CD6: variants seen among roughly 807,000 people sequenced by gnomAD.
The protein encoded by CD6 is CD6 molecule.
A neutral mutation model predicts 75.3 loss-of-function variants in CD6; 53 were observed. That is an observed-to-expected ratio of 0.70 (90% CI 0.56 to 0.88). CD6 has a LOEUF of 0.88. Ranked by LOEUF, CD6 falls within the 40% of genes least tolerant of loss-of-function variation. The pLI is 0.00. For synonymous variants in CD6, 359 were observed against 381.5 expected (o/e 0.94, Z 0.69); for missense variants, 770 against 897.1 (o/e 0.86, Z 1.81).
Position 61,020,325 on chromosome 11 carries a change from C to A in CD6, c.*1007C>A. On this transcript the variant is annotated 3_prime_UTR_variant, in exon 13 of 13. Transcript: ENST00000313421. ...GAGAGGCCCATGGGCTCAGACCAGG[C>A]TTTGTTGTCCTGCTCTGAGTATCCT... The A allele has an allele frequency of 2.5e-6, 1 of 399,010 alleles. No homozygotes were observed. The allele number at this position is 399,010 out of a possible 1,614,324, so 24.7% of individuals were successfully genotyped here.
At chr11:61,017,247 G>A (rs1469347202) in intron 9 of CD6, 7 of 552,556 alleles carry the variant, frequency 1.3e-5, no homozygotes, top group African/African-American at 1.1e-4. Flanking sequence ...TGGGGGCTGG[G>A]GGGTTGTAGG....
At chr11:61,014,744 A>G (rs1236543390) in intron 8 of CD6, among the ~76,000 whole-genome samples, 2 of 152,060 alleles carry the variant, frequency 1.3e-5, no homozygotes, top group Non-Finnish European at 2.9e-5. Flanking sequence ...CAAAAAAAAA[A>G]AAAAAGAAAA....
chr11:61,015,642 TACTC>T (rs1338957531), intron 8 of CD6, 67 bp from the exon 9 acceptor site: 15 of 1,580,616 alleles, frequency 9.5e-6, no homozygotes, highest in Non-Finnish European at 1.3e-5. Flanking sequence ...CTGCCGTTCA[TACTC>T]TACCATCCCT....
Position 61,018,337 on chromosome 11 carries a change from AC to A in CD6, c.1888del (p.Gln630ArgfsTer151). On this transcript the variant is annotated frameshift_variant, in exon 12 of 13. Coordinates refer to ENST00000313421, the MANE Select transcript of CD6 (RefSeq NM_006725.5). LOFTEE classifies it high-confidence loss of function. ...TCCAGCACCTCATCCGGGGAGTGGT[AC>A]CAGAACTTCCAGCCACCACCCCAGC... The part of the protein sequence containing the change: ...DSSSTSSGEW[Y>X]QNFQPPPQPP... 6.2e-7 allele frequency: 1 copy of A among 1,608,726 alleles called. No individual in the cohort carries two copies. Among genetic ancestry groups the A allele is most frequent in the Non-Finnish European group, 8.5e-7 (1 of 1,177,720 alleles).
At chr11:61,013,858 C>T in intron 7 of CD6, 61 bp from the exon 8 acceptor site, 1 of 1,194,398 alleles carries the variant, frequency 8.4e-7, no homozygotes, top group South Asian at 1.4e-5. Context: ...CAGAACGGAA[C>T]CAGGTAGACT....
intron 1 of CD6, chr11:60,982,589 C>T (rs890014991): frequency 4.4e-6 from 2 of 455,982 alleles, no homozygotes; most frequent in African/African-American, 4.0e-5. Context: ...GGTGTGCTCT[C>T]GTTTTGCCTC....
chr11:60,981,262 A>T (rs1035137157), intron 1 of CD6, among the ~76,000 whole-genome samples: 1 of 152,216 alleles, frequency 6.6e-6, no homozygotes, highest in Non-Finnish European at 1.5e-5. Context: ...TGACAGGCTC[A>T]GAGAGATAAA....
chr11:60,997,786 C>T (rs577005283), intron 1 of CD6, among the ~76,000 whole-genome samples: 142 of 152,222 alleles, frequency 9.3e-4, no homozygotes, highest in African/African-American at 3.3e-3. Flanking sequence ...AAATGGAAAA[C>T]ATTTTGTAAA....
chr11:60,992,358 G>T (rs2135080304), intron 1 of CD6, among the ~76,000 whole-genome samples: 1 of 151,342 alleles, frequency 6.6e-6, no homozygotes, highest in Admixed American at 6.6e-5. Flanking sequence ...ATAACTATGA[G>T]GTGAGGGAGG....
chr11:61,016,378 G>C (rs1472819461), intron 9 of CD6, among the ~76,000 whole-genome samples: 3 of 152,210 alleles, frequency 2.0e-5, no homozygotes, highest in Admixed American at 6.5e-5. Context: ...GAATAGACCA[G>C]AGCGTCCCAC....
At chr11:60,987,884 G>C (rs954169732) in intron 1 of CD6, 2 of 152,160 alleles carry the variant, frequency 1.3e-5, no homozygotes, top group Non-Finnish European at 2.9e-5. Context: ...AATCAACCAC[G>C]AGTGCATCTG....
At position 61,017,959 on chromosome 11, in the gene CD6, T is replaced by G; in HGVS notation, c.1783T>G (p.Phe595Val). The change falls in exon 11 of 13, where the codon TTC becomes GTC. Residue 595 changes from phenylalanine to valine, a missense_variant. Phe to Val is a conservative substitution (Grantham distance 50). Coordinates refer to ENST00000313421, the MANE Select transcript of CD6 (RefSeq NM_006725.5). ...PQVFSSERSS[F>V]LEQPPNLELA... is the part of the protein sequence containing the mutation. ...GGTGTTTTCTTCAGAGAGGAGTTCC[T>G]TCCTGGAGCAGCCCCCAAACTTGGA... 1 of 1,613,394 alleles carries G rather than the reference T, an allele frequency of 6.2e-7. No individual in the cohort carries two copies. The highest frequency in any genetic ancestry group is 8.5e-7 in the Non-Finnish European group (1 of 1,180,010).
In CD6 at chr11:61,019,832, G is replaced by C. The variant is rs142383108; in HGVS notation, c.*514G>C. The C allele has an allele frequency of 3.9e-3, 879 of 225,174 alleles. 11 individuals carry two copies. The highest frequency in any genetic ancestry group is 0.019 in the African/African-American group (825 of 44,150). 13.9% of individuals were successfully genotyped at this position (225,174 alleles called of 1,614,324 possible). On this transcript the variant is annotated 3_prime_UTR_variant, in exon 13 of 13. Coordinates refer to ENST00000313421, the MANE Select transcript of CD6 (RefSeq NM_006725.5). ...GTCACTGATCGGTGGGCGCTGGGGG[G>C]GTAGGGTAGCACACCAGCTGTCCCA... is the stretch of plus-strand genomic sequence containing the variant.
Position 60,987,081 on chromosome 11 carries a change from T to A in CD6, c.49+15167T>A, listed in dbSNP as rs150826465. ...AGGCAGAGGTTGCAGTGAGCCGAGA[T>A]GGCACCACAGTGCGAGACTCCATCT... On this transcript the variant is annotated intron_variant, in intron 1 of 12. Coordinates refer to ENST00000313421, the MANE Select transcript of CD6 (RefSeq NM_006725.5). Among the ~76,000 whole-genome samples the A allele has an allele frequency of 2.6e-3, 397 of 152,240 alleles. 3 individuals are homozygous for A. The highest frequency in any genetic ancestry group is 9.1e-3 in the African/African-American group (379 of 41,548).
chr11:60,996,426 A>C (rs1030375552), intron 1 of CD6, among the ~76,000 whole-genome samples: 7 of 152,164 alleles, frequency 4.6e-5, no homozygotes, highest in African/African-American at 1.7e-4. Flanking sequence ...AAACCTGCAA[A>C]CCAGGAATCC....
chr11:61,003,541 T>C (rs1301257302), intron 1 of CD6, among the ~76,000 whole-genome samples: 1 of 152,124 alleles, frequency 6.6e-6, no homozygotes, highest in Non-Finnish European at 1.5e-5. Flanking sequence ...GAGACCAGCC[T>C]GGGCAACATG....
chr11:60,977,870 T>G (rs550882011), intron 1 of CD6, among the ~76,000 whole-genome samples: 3 of 152,300 alleles, frequency 2.0e-5, no homozygotes, highest in Non-Finnish European at 4.4e-5. Context: ...CTCCCTTAAA[T>G]GGAAAGCCAT....
chr11:61,017,861 G>A lies in CD6; in HGVS notation c.1685G>A (p.Ser562Asn), dbSNP rs1859487873. ...CCTCAGTATCACCCGAGGAGCAACA[G>A]TGAGTCGAGCACCTCTTCAGGGGAG... ...LGPQYHPRSN[S>N]ESSTSSGEDY... is the part of the protein sequence containing the mutation. The change falls in exon 11 of 13, where the codon AGT becomes AAT. Residue 562 changes from serine (S) to asparagine (N), a missense_variant. Ser to Asn is a conservative substitution (Grantham distance 46, BLOSUM62 1). Transcript: ENST00000313421. The A allele has an allele frequency of 6.2e-7, 1 of 1,614,164 alleles. No individual in the cohort carries two copies. The highest frequency in any genetic ancestry group is 1.1e-5 in the South Asian group (1 of 91,080).
Position 61,009,806 on chromosome 11 carries a change from A to G in CD6, c.1016A>G (p.Asn339Ser), listed in dbSNP as rs773050570. Reference protein sequence around the residue: ...SCNGEELTLSNCSWRFNNSNL... With the variant: ...SCNGEELTLSSCSWRFNNSNL... The stretch of plus-strand genomic sequence containing the variant: ...AATGGGGAGGAGCTCACCCTCTCCA[A>G]CTGCTCCTGGCGGTTCAACAACTCC... Residue 339 changes from asparagine (N) to serine (S), a missense_variant, in exon 5 of 13, where the codon AAC becomes AGC. By Grantham distance (46) the Asn-to-Ser change is conservative (BLOSUM62 1). Transcript: ENST00000313421. 2 of 1,606,338 alleles carry G rather than the reference A, an allele frequency of 1.2e-6. No homozygotes were observed. The highest frequency in any genetic ancestry group is 1.7e-6 in the Non-Finnish European group (2 of 1,175,684).
Sources: gnomAD v4.1 joint callset for allele counts (sites outside exome capture counted in the v4.1 genomes callset) on GRCh38, gnomAD v4.1.1 for gene constraint, MANE v1.5 for transcripts, NCBI Gene and HGNC (gene_info 2026-07-23, HGNC 2026-07-21) for gene names.